Variants in BPNT1 observed in about 807,000 individuals in gnomAD.
BPNT1 encodes the protein 3'(2'),5'-bisphosphate nucleotidase 1.
Under a neutral mutation model 36.9 loss-of-function variants are expected in BPNT1, and 28 were observed. The observed-to-expected ratio is 0.76, with a 90% confidence interval of 0.56 to 1.04. The LOEUF (loss-of-function observed/expected upper bound fraction) is 1.04. BPNT1 is among the 50% of genes least tolerant of loss of function. BPNT1 has a pLI of 0.00. For missense variants in BPNT1, 313 were observed against 372.9 expected, an observed-to-expected ratio of 0.84 and a Z score of 1.32; for synonymous variants, 119 against 130.9, an observed-to-expected ratio of 0.91 and a Z score of 0.62.
chr1:220,080,462 A>C lies in BPNT1; in HGVS notation c.-8-608T>G, dbSNP rs549061161. On this transcript the variant is annotated intron_variant, in intron 1 of 8. Transcript: ENST00000322067. ...TTCTGCACCAACCTAATATAAAGGA[A>C]AGAGGTTGAATTGACTCACAGTTCA... 1.4e-3 allele frequency among the ~76,000 whole-genome samples: 210 copies of C among 152,316 alleles called. 1 individual carries two copies. The highest frequency in any genetic ancestry group is 2.1e-3 in the Non-Finnish European group (144 of 68,022).
At chr1:220,059,626 T>C (rs944166995) in intron 8 of BPNT1, 60 bp downstream of exon 8, 6 of 1,223,198 alleles carry the variant, frequency 4.9e-6, no homozygotes, top group Non-Finnish European at 7.0e-6. Flanking sequence ...TGAGATATTA[T>C]GTCTTAGCAT....
chr1:220,082,101 G>T (rs1319951220), intron 1 of BPNT1, among the ~76,000 whole-genome samples: 4 of 144,212 alleles, frequency 2.8e-5, no homozygotes, highest in African/African-American at 7.6e-5. Context: ...GAGAGAGAGA[G>T]AGAGAGAGAG....
chr1:220,066,618 ACAATTTAATG>A (rs1328865762), intron 6 of BPNT1, among the ~76,000 whole-genome samples: 1 of 152,216 alleles, frequency 6.6e-6, no homozygotes, highest in Non-Finnish European at 1.5e-5. Context: ...AATTTCCTAT[ACAATTTAATG>A]CAATTTAATG....
intron 2 of BPNT1, among the ~76,000 whole-genome samples, chr1:220,075,611 C>T (rs190683160): frequency 2.6e-5 from 4 of 151,858 alleles, no homozygotes; most frequent in Admixed American, 6.6e-5. Flanking sequence ...TAGACCACTG[C>T]GGTAGAGAAA....
At position 220,058,898 on chromosome 1, in the gene BPNT1, A is replaced by C; in HGVS notation, c.873T>G (p.Tyr291Ter). 6.2e-7 allele frequency: 1 copy of C among 1,614,144 alleles called. No individual in the cohort carries two copies. The highest frequency in any genetic ancestry group is 8.5e-7 in the Non-Finnish European group (1 of 1,179,978). ...CTGGAACTCGGCTTGCATAGTAGTC[A>C]TAATTCCTCAGTGTGGCCAGGACTC... ...SAGVLATLRNYDYYASRVPES... is the reference protein window; with the variant it reads ...SAGVLATLRN The change falls in exon 9 of 9, where the codon TAT (tyrosine) becomes TAG (stop). Residue 291 changes from tyrosine (Y) to a stop codon, truncating the protein, a stop_gained. Coordinates refer to ENST00000322067, the MANE Select transcript of BPNT1 (RefSeq NM_006085.6). LOFTEE classifies it high-confidence loss of function.
At position 220,058,709 on chromosome 1, in the gene BPNT1, T is replaced by G; in HGVS notation, c.*135A>C. The G allele has an allele frequency of 1.1e-6, 1 of 902,892 alleles. No homozygotes were observed. The highest frequency in any genetic ancestry group is 1.6e-6 in the Non-Finnish European group (1 of 609,750). 55.9% of individuals were successfully genotyped at this position (902,892 alleles called of 1,614,324 possible). On this transcript the variant is annotated 3_prime_UTR_variant, in exon 9 of 9. Coordinates refer to ENST00000322067, the MANE Select transcript of BPNT1 (RefSeq NM_006085.6). ...AGGATGCCCAGTTAATTTGTATTTT[T>G]GTAGAGATGGGGTCTCACGATATTG...
At chr1:220,072,743 C>G (rs566917689) in intron 4 of BPNT1, 107 bp downstream of exon 4, 2 of 841,636 alleles carry the variant, frequency 2.4e-6, no homozygotes, top group East Asian at 2.5e-5. Flanking sequence ...TTCTGGTTGC[C>G]CCTATTTTAT....
In BPNT1 at chr1:220,057,905, C is replaced by T. The variant is rs1273113141; in HGVS notation, c.*939G>A. 5.4e-5 allele frequency: 70 copies of T among 1,291,526 alleles called. No homozygotes were observed. The highest frequency in any genetic ancestry group is 1.1e-4 in the East Asian group (2 of 17,960). 80.0% of individuals were successfully genotyped at this position (1,291,526 alleles called of 1,614,324 possible). Reference sequence around the variant, plus strand: ...AAAGAAATCTGGTTTAGGCCAGGTGCGGTGGCTCACACCTGTAATCCCAGC... The same window carrying T: ...AAAGAAATCTGGTTTAGGCCAGGTGTGGTGGCTCACACCTGTAATCCCAGC... On this transcript the variant is annotated 3_prime_UTR_variant, in exon 9 of 9. Transcript: ENST00000322067.
At chr1:220,088,476 C>T (rs1340954345) in intron 1 of BPNT1, among the ~76,000 whole-genome samples, 3 of 105,856 alleles carry the variant, frequency 2.8e-5, no homozygotes, top group Non-Finnish European at 5.8e-5. Context: ...GAGACTCCGA[C>T]TCAAAAAAAA....
intron 1 of BPNT1, among the ~76,000 whole-genome samples, chr1:220,088,789 T>TA (rs1267059944): frequency 0.054 from 6,122 of 113,010 alleles, 161 homozygotes; most frequent in East Asian, 0.11. Context: ...GAACCTGTCT[T>TA]AAAAAAAAAA....
chr1:220,073,379 C>T (rs1664252305), intron 3 of BPNT1, among the ~76,000 whole-genome samples: 1 of 151,954 alleles, frequency 6.6e-6, no homozygotes, highest in Admixed American at 6.6e-5. Context: ...ACCTCCCCAT[C>T]CTGGGGTCAA....
chr1:220,061,542 A>C (rs577769285), intron 7 of BPNT1, among the ~76,000 whole-genome samples: 1 of 151,894 alleles, frequency 6.6e-6, no homozygotes, highest in East Asian at 1.9e-4. Context: ...TCAAAAAAAA[A>C]AAAAAAACAA....
At chr1:220,084,529 C>T (rs1655533747) in intron 1 of BPNT1, among the ~76,000 whole-genome samples, 1 of 152,064 alleles carries the variant, frequency 6.6e-6, no homozygotes. Flanking sequence ...TCGTATGCTC[C>T]TTCAATTCCC....
At chr1:220,070,436 C>T (rs960582256) in intron 4 of BPNT1, among the ~76,000 whole-genome samples, 2 of 152,080 alleles carry the variant, frequency 1.3e-5, no homozygotes, top group African/African-American at 2.4e-5. Flanking sequence ...ACCTCTGCCT[C>T]CCGGGTTCAT....
chr1:220,085,146 CT>C (rs747241656), intron 1 of BPNT1, among the ~76,000 whole-genome samples: 1 of 151,842 alleles, frequency 6.6e-6, no homozygotes, highest in Non-Finnish European at 1.5e-5. Flanking sequence ...CCCTTTTAGC[CT>C]TTTTCATTAT....
chr1:220,067,433 A>G (rs1372067525), intron 5 of BPNT1, 40 bp from the exon 6 acceptor site: 1 of 1,420,610 alleles, frequency 7.0e-7, no homozygotes. Context: ...TAACTTGCTC[A>G]TATTATGACT....
intron 1 of BPNT1, among the ~76,000 whole-genome samples, chr1:220,086,182 A>C (rs1655701279): frequency 6.6e-6 from 1 of 152,240 alleles, no homozygotes; most frequent in Admixed American, 6.5e-5. Flanking sequence ...AAATTGCAGA[A>C]ATAGAACCGA....
At position 220,069,687 on chromosome 1, in the gene BPNT1, G is replaced by A. The variant is rs566033731; in HGVS notation, c.334-255C>T. Among the ~76,000 whole-genome samples the A allele has an allele frequency of 1.2e-4, 19 of 152,166 alleles. No homozygotes were observed. In the East Asian group the frequency reaches 3.1e-3, roughly 25 times the overall value. The stretch of plus-strand genomic sequence containing the variant: ...CACGGTGGCTCACACCTGTAATCCC[G>A]CACTTTGAGAGGCCGAGGCGGGTGG... On this transcript the variant is annotated intron_variant, in intron 4 of 8. Transcript: ENST00000322067.
chr1:220,074,727 C>T (rs1322127433), intron 2 of BPNT1, among the ~76,000 whole-genome samples: 1 of 152,112 alleles, frequency 6.6e-6, no homozygotes, highest in East Asian at 1.9e-4. Context: ...ATCTCCTGAT[C>T]TTGTGATCCA....
Sources: gnomAD v4.1 joint callset for allele counts (sites outside exome capture counted in the v4.1 genomes callset) on GRCh38, gnomAD v4.1.1 for gene constraint, MANE v1.5 for transcripts, NCBI Gene and HGNC (gene_info 2026-07-23, HGNC 2026-07-21) for gene names.